SLC25A48: variants seen among roughly 807,000 people sequenced by gnomAD.
The protein encoded by SLC25A48 is CTC-321K16.1.
Under a neutral mutation model 32.2 loss-of-function variants are expected in SLC25A48, and 29 were observed. The ratio of observed to expected loss-of-function variants is 0.90; its 90% confidence interval spans 0.67 to 1.23. The LOEUF (loss-of-function observed/expected upper bound fraction) is 1.23. Ranked by LOEUF, SLC25A48 falls within the 50% of genes most tolerant of loss-of-function variation. The pLI, the probability that SLC25A48 is intolerant of heterozygous loss-of-function variation, is 0.00. For missense variants in SLC25A48, 399 were observed against 422.7 expected, an observed-to-expected ratio of 0.94 and a Z score of 0.49; for synonymous variants, 164 against 172.3, an observed-to-expected ratio of 0.95 and a Z score of 0.38.
chr5:135,635,360 A>G (rs750300859), intron 3 of SLC25A48, among the ~76,000 whole-genome samples: 7 of 152,148 alleles, frequency 4.6e-5, no homozygotes, highest in Non-Finnish European at 1.0e-4. Flanking sequence ...TTGGATTCAG[A>G]CCTCTGCTAA....
intron 4 of SLC25A48, among the ~76,000 whole-genome samples, chr5:135,861,944 C>T (rs753646291): frequency 6.6e-5 from 10 of 152,372 alleles, no homozygotes; most frequent in Non-Finnish European, 1.3e-4. Flanking sequence ...CAGAGGTATT[C>T]TCCTGGGGCC....
intron 1 of SLC25A48, among the ~76,000 whole-genome samples, chr5:135,585,282 T>C (rs1373097311): frequency 6.6e-6 from 1 of 152,220 alleles, no homozygotes; most frequent in East Asian, 1.9e-4. Context: ...CCTAGGCCTC[T>C]GTGCAGGCAC....
chr5:135,850,530 G>A (rs1472824073), intron 3 of SLC25A48, 34 bp downstream of exon 3: 1 of 1,609,212 alleles, frequency 6.2e-7, no homozygotes, highest in Non-Finnish European at 8.5e-7. Context: ...AGTGATGCCT[G>A]CCTGGGCCCC....
chr5:135,620,983 T>C (rs1334191609), intron 1 of SLC25A48, among the ~76,000 whole-genome samples: 3 of 152,186 alleles, frequency 2.0e-5, no homozygotes, highest in African/African-American at 7.2e-5. Flanking sequence ...CCCTTCCTTC[T>C]CCTTCCAGAT....
At chr5:135,837,748 A>T (rs1299345286) in intron 1 of SLC25A48, among the ~76,000 whole-genome samples, 1 of 152,184 alleles carries the variant, frequency 6.6e-6, no homozygotes, top group South Asian at 2.1e-4. Context: ...CCTCTTTAAC[A>T]TTCTACCATT....
chr5:135,799,223 G>A (rs1392620636), intron 3 of SLC25A48, among the ~76,000 whole-genome samples: 2 of 151,616 alleles, frequency 1.3e-5, no homozygotes, highest in East Asian at 1.9e-4. Context: ...ATATTGCAGG[G>A]TGTATAAACC....
intron 3 of SLC25A48, chr5:135,648,694 A>G (rs1753029762): frequency 6.6e-6 from 1 of 152,248 alleles, no homozygotes. Context: ...TGACTGGTTT[A>G]TAGGAAAGTT....
chr5:135,737,733 C>T (rs1305582711), intron 3 of SLC25A48, among the ~76,000 whole-genome samples: 1 of 152,154 alleles, frequency 6.6e-6, no homozygotes, highest in African/African-American at 2.4e-5. Flanking sequence ...TAGTATTCAT[C>T]TTGAAAGCTG....
intron 3 of SLC25A48, among the ~76,000 whole-genome samples, chr5:135,793,324 C>A (rs1201511330): frequency 1.3e-5 from 2 of 149,804 alleles, no homozygotes; most frequent in Admixed American, 6.7e-5. Context: ...AGAGATGATA[C>A]CCTCCTGATG....
At chr5:135,713,861 A>G (rs1205823044) in intron 3 of SLC25A48, among the ~76,000 whole-genome samples, 2 of 152,156 alleles carry the variant, frequency 1.3e-5, no homozygotes, top group Admixed American at 6.5e-5. Context: ...CCCTCTGTCC[A>G]CAGGACATCT....
intron 4 of SLC25A48, chr5:135,821,609 C>G (rs1757888566): frequency 6.6e-6 from 1 of 152,270 alleles, no homozygotes; most frequent in South Asian, 2.1e-4. Flanking sequence ...TGTTTGCATT[C>G]TCTTTGTTTC....
At chr5:135,859,497 G>A (rs981409513) in intron 4 of SLC25A48, among the ~76,000 whole-genome samples, 14 of 152,106 alleles carry the variant, frequency 9.2e-5, no homozygotes, top group East Asian at 7.7e-4. Context: ...AAATCATATC[G>A]CCTCCCCTGG....
chr5:135,883,070 C>G, intron 7 of SLC25A48: 1 of 985,430 alleles, frequency 1.0e-6, no homozygotes, highest in Non-Finnish European at 1.2e-6. Context: ...AGGGTCTCAT[C>G]CCATTAACAG....
At chr5:135,630,664 T>A (rs2126906817) in intron 2 of SLC25A48, among the ~76,000 whole-genome samples, 1 of 130,652 alleles carries the variant, frequency 7.7e-6, no homozygotes, top group South Asian at 2.6e-4. Flanking sequence ...TGCAGTGGAG[T>A]GATCTTGGCT....
chr5:135,735,430 A>G (rs1425612915), intron 3 of SLC25A48, among the ~76,000 whole-genome samples: 2 of 152,240 alleles, frequency 1.3e-5, no homozygotes, highest in African/African-American at 4.8e-5. Flanking sequence ...TTCAAGGTCT[A>G]GGGCTGTAAA....
chr5:135,887,789 A>G (rs1407918717), intron 7 of SLC25A48, among the ~76,000 whole-genome samples: 2 of 152,024 alleles, frequency 1.3e-5, no homozygotes, highest in Non-Finnish European at 2.9e-5. Context: ...GTGCTCTTGC[A>G]GGCAGCAGTG....
intron 3 of SLC25A48, among the ~76,000 whole-genome samples, chr5:135,639,396 T>G (rs1238248827): frequency 6.6e-6 from 1 of 152,154 alleles, no homozygotes; most frequent in East Asian, 1.9e-4. Context: ...AAATCAAAAT[T>G]GACAGATGAG....
Position 135,792,034 on chromosome 5 carries a change from A to G in SLC25A48, c.-520-20489A>G, listed in dbSNP as rs77558387. Among the ~76,000 whole-genome samples, 75 of 151,698 alleles carry G rather than the reference A, an allele frequency of 4.9e-4. No homozygotes were observed. In the East Asian group the frequency reaches 0.01, roughly 20 times the overall value. ...ACTCCTAATATCACTGTGGGTGTTCACCTCCTATGTTAACATTCGTAATAT... is the reference window on the plus strand; with the variant it reads ...ACTCCTAATATCACTGTGGGTGTTCGCCTCCTATGTTAACATTCGTAATAT... On this transcript the variant is annotated intron_variant, in intron 3 of 10. Transcript: ENST00000646290.
chr5:135,648,259 C>T (rs532393687), intron 3 of SLC25A48, among the ~76,000 whole-genome samples: 5 of 152,244 alleles, frequency 3.3e-5, no homozygotes, highest in Admixed American at 6.5e-5. Context: ...TTGACAGTTT[C>T]GGGTCCTAGG....
Sources: gnomAD v4.1 joint callset for allele counts (sites outside exome capture counted in the v4.1 genomes callset) on GRCh38, gnomAD v4.1.1 for gene constraint, MANE v1.5 for transcripts, NCBI Gene and HGNC (gene_info 2026-07-23, HGNC 2026-07-21) for gene names.